The following VNN1 variants were observed in gnomAD, a reference collection of about 807,000 sequenced individuals.
VNN1 encodes the protein vanin 1.
VNN1 carries 29 observed loss-of-function variants against 41.9 expected under a neutral mutation model. The observed-to-expected ratio is 0.69, with a 90% CI of 0.52 to 0.94. The LOEUF is 0.94. VNN1 is among the 40% of genes least tolerant of loss of function. The pLI is 0.00. For missense variants in VNN1, 637 were observed against 621.1 expected (o/e 1.03, Z -0.27); for synonymous variants, 233 against 224.4 (o/e 1.04, Z -0.34).
At chr6:132,701,915 A>G (rs1325209357) in intron 2 of VNN1, among the ~76,000 whole-genome samples, 1 of 152,236 alleles carries the variant, frequency 6.6e-6, no homozygotes, top group Non-Finnish European at 1.5e-5. Context: ...GCAGAAAGCA[A>G]CATGGCACAG....
intron 4 of VNN1, 27 bp downstream of exon 4, chr6:132,692,997 C>T (rs1042612270): frequency 6.4e-7 from 1 of 1,566,128 alleles, no homozygotes; most frequent in Non-Finnish European, 8.6e-7. Context: ...TTACATCAGC[C>T]TGCATATCTT....
intron 4 of VNN1, 109 bp downstream of exon 4, chr6:132,692,914 GA>G (rs1582770374): frequency 3.2e-6 from 4 of 1,249,520 alleles, no homozygotes; most frequent in East Asian, 2.7e-5. Flanking sequence ...CAAAAATTAA[GA>G]GCTGGAAAAC....
chr6:132,702,775 G>T (rs977528537), intron 2 of VNN1, among the ~76,000 whole-genome samples: 3 of 152,136 alleles, frequency 2.0e-5, no homozygotes, highest in Non-Finnish European at 4.4e-5. Flanking sequence ...AGGCTATAAG[G>T]GAACTTCTTG....
intron 2 of VNN1, among the ~76,000 whole-genome samples, chr6:132,701,363 C>G (rs556305505): frequency 2.0e-5 from 3 of 152,170 alleles, no homozygotes; most frequent in African/African-American, 4.8e-5. Flanking sequence ...GACATGTGCA[C>G]TTTATTATAC....
At chr6:132,700,379 T>C (rs1307796913) in intron 2 of VNN1, among the ~76,000 whole-genome samples, 1 of 151,936 alleles carries the variant, frequency 6.6e-6, no homozygotes, top group African/African-American at 2.4e-5. Context: ...TGCTGTAAGG[T>C]GAAAGAGAGG....
In VNN1 at chr6:132,693,993, A is replaced by G; in HGVS notation, c.531T>C (p.His177=). Reference sequence around the variant, plus strand: ...ATTATTTGCAAATTAATTTTACCTTATGGTAGCGTGCCACCAGTTTTCCTT... The same window carrying G: ...ATTATTTGCAAATTAATTTTACCTTGTGGTAGCGTGCCACCAGTTTTCCTT... ...DSQGKLVARY[H]KQNLFMGENQ... The change falls in exon 3 of 7, where the codon CAT becomes CAC. Residue 177 remains histidine (H), a synonymous_variant. Transcript: ENST00000367928. The G allele has an allele frequency of 6.2e-7, 1 of 1,614,092 alleles. No individual in the cohort carries two copies. Among genetic ancestry groups the G allele is most frequent in the Non-Finnish European group, 8.5e-7 (1 of 1,179,970 alleles).
chr6:132,700,702 T>C (rs1425515472), intron 2 of VNN1, among the ~76,000 whole-genome samples: 1 of 152,202 alleles, frequency 6.6e-6, no homozygotes, highest in Admixed American at 6.5e-5. Context: ...TTTAAATTTC[T>C]TAACTCACAG....
Position 132,683,206 on chromosome 6 carries a change from G to A in VNN1, c.1476C>T (p.Leu492=). The change falls in exon 7 of 7, where the codon CTC becomes CTT. Residue 492 remains leucine (L), a synonymous_variant. Coordinates refer to ENST00000367928, the MANE Select transcript of VNN1 (RefSeq NM_004666.3). ...GCATTATTATTCTTGCTTGTGCTGTGAGGCCTGATGAAGCATTTGATGCCC... is the reference window on the plus strand; with the variant it reads ...GCATTATTATTCTTGCTTGTGCTGTAAGGCCTGATGAAGCATTTGATGCCC... The part of the protein sequence containing the change: ...KDWASNASSG[L]TAQARIIMLI... The A allele has an allele frequency of 6.2e-7, 1 of 1,614,088 alleles. No homozygotes were observed. Among genetic ancestry groups the A allele is most frequent in the South Asian group, 1.1e-5 (1 of 91,080 alleles).
chr6:132,693,834 T>G (rs1401682278), intron 3 of VNN1, among the ~76,000 whole-genome samples, 156 bp downstream of exon 3: 1 of 152,230 alleles, frequency 6.6e-6, no homozygotes, highest in Non-Finnish European at 1.5e-5. Context: ...CTTAAGCCTC[T>G]TTATAGGAGC....
chr6:132,684,225 AC>A (rs1343400362), intron 6 of VNN1, 109 bp downstream of exon 6: 3 of 1,162,258 alleles, frequency 2.6e-6, no homozygotes, highest in East Asian at 5.2e-5. Context: ...GATAATCTTA[AC>A]CTTTCTAAAT....
At chr6:132,683,372 C>G in intron 6 of VNN1, 50 bp from the exon 7 acceptor site, 2 of 1,532,236 alleles carry the variant, frequency 1.3e-6, no homozygotes, top group South Asian at 2.5e-5. Context: ...TTTTACAATC[C>G]CATAAATCAC....
chr6:132,684,479 C>A lies in VNN1; in HGVS notation c.1215G>T (p.Thr405=), dbSNP rs146358634. 1 of 1,613,882 alleles carries A rather than the reference C, an allele frequency of 6.2e-7. No homozygotes were observed. The highest frequency in any genetic ancestry group is 1.6e-4 in the Middle Eastern group (1 of 6,062). The change falls in exon 6 of 7, where the codon ACG becomes ACT. Residue 405 remains threonine (T), a synonymous_variant. Coordinates refer to ENST00000367928, the MANE Select transcript of VNN1 (RefSeq NM_004666.3). ...AGTCACCGCAAGTGTTTAAATTAGT[C>A]GTTTTACATTTCAACAGGGTACAAA... ...LQICTLLKCK[T]TNLNTCGDSA...
In VNN1 at chr6:132,693,062, A is replaced by G. The variant is rs1323059427; in HGVS notation, c.788T>C (p.Leu263Pro). The G allele has an allele frequency of 6.2e-7, 1 of 1,613,680 alleles. No individual in the cohort carries two copies. The change falls in exon 4 of 7, where the codon CTT becomes CCT. Residue 263 changes from leucine to proline, a missense_variant. Physicochemically the swap from Leu to Pro is moderately conservative, Grantham distance 98. Transcript: ENST00000367928. ...TGAGGGGTAATGTATGTTGGATGCA[A>G]GGAAATTGACCCTCATGCCCATAGC... ...AWAMGMRVNF[L>P]ASNIHYPSKK...
rs368497346 is a variant in VNN1 at position 132,684,584 on chromosome 6, G to A, written c.1189-79C>T. ...AATTTGCTTGATTTAATCATTTCAC[G>A]GTGTGTACACATATCAAAACGTCAC... is the stretch of plus-strand genomic sequence containing the variant. On this transcript the variant is annotated intron_variant, in intron 5 of 6. Coordinates refer to ENST00000367928, the MANE Select transcript of VNN1 (RefSeq NM_004666.3). 835 of 1,472,492 alleles carry A rather than the reference G, an allele frequency of 5.7e-4. 3 individuals carry two copies. In the African/African-American group the frequency reaches 8.6e-3, roughly 15 times the overall value. 91.2% of individuals were successfully genotyped at this position (1,472,492 alleles called of 1,614,324 possible).
chr6:132,697,358 T>C (rs975442476), intron 2 of VNN1, among the ~76,000 whole-genome samples: 4 of 152,234 alleles, frequency 2.6e-5, no homozygotes, highest in African/African-American at 7.2e-5. Context: ...GGGGATTCAT[T>C]AGGAAGCTGT....
At position 132,693,051 on chromosome 6, in the gene VNN1, T is replaced by C. The variant is rs1163156838; in HGVS notation, c.799A>G (p.Ile267Val). 3 of 1,613,204 alleles carry C rather than the reference T, an allele frequency of 1.9e-6. No individual in the cohort carries two copies. Among genetic ancestry groups the C allele is most frequent in the East Asian group, 2.2e-5 (1 of 44,818 alleles). Residue 267 changes from isoleucine to valine, a missense_variant, in exon 4 of 7, where the codon ATA becomes GTA. Physicochemically the swap from Ile to Val is conservative, Grantham distance 29. Transcript: ENST00000367928. ...GTCATTTTCTTTGAGGGGTAATGTA[T>C]GTTGGATGCAAGGAAATTGACCCTC... ...GMRVNFLASN[I>V]HYPSKKMTGS...
In VNN1 at chr6:132,696,750, T is replaced by C. The variant is rs184541551; in HGVS notation, c.342-2568A>G. On this transcript the variant is annotated intron_variant, in intron 2 of 6. Coordinates refer to ENST00000367928, the MANE Select transcript of VNN1 (RefSeq NM_004666.3). ...CAAAAGGGAGGGAGAAATGAAGACA[T>C]TCTCAGATTTGAGAAGAAAGGAAAG... Among the ~76,000 whole-genome samples, 203 of 150,050 alleles carry C rather than the reference T, an allele frequency of 1.4e-3. 4 individuals are homozygous for C. The highest frequency in any genetic ancestry group is 4.7e-3 in the African/African-American group (192 of 40,644).
intron 2 of VNN1, among the ~76,000 whole-genome samples, chr6:132,706,154 A>C (rs1366411184): frequency 2.6e-5 from 4 of 151,230 alleles, no homozygotes; most frequent in Non-Finnish European, 4.5e-5. Flanking sequence ...CAGACATAGA[A>C]AAAAAAATTC....
chr6:132,706,058 A>T (rs1022397435), intron 2 of VNN1, among the ~76,000 whole-genome samples: 1 of 152,196 alleles, frequency 6.6e-6, no homozygotes, highest in Non-Finnish European at 1.5e-5. Context: ...AGATTGGAAG[A>T]ATCAATATTG....
Sources: gnomAD v4.1 joint callset for allele counts (sites outside exome capture counted in the v4.1 genomes callset) on GRCh38, gnomAD v4.1.1 for gene constraint, MANE v1.5 for transcripts, NCBI Gene and HGNC (gene_info 2026-07-23, HGNC 2026-07-21) for gene names.